VIPR2: variants seen among roughly 807,000 people sequenced by gnomAD.
The protein encoded by VIPR2 is vasoactive intestinal polypeptide receptor 2.
In VIPR2, 48 loss-of-function variants were observed where a neutral mutation model predicts 58.0. The observed-to-expected ratio is 0.83, with a 90% CI of 0.66 to 1.05. The LOEUF is 1.05. VIPR2 is among the 50% of genes least tolerant of loss of function. The pLI, the probability that VIPR2 is intolerant of heterozygous loss-of-function variation, is 0.00. For missense variants in VIPR2, 534 were observed against 558.0 expected (o/e 0.96, Z 0.43); for synonymous variants, 243 against 235.2 (o/e 1.03, Z -0.30).
At chr7:159,109,578 C>T (rs534056175) in intron 3 of VIPR2, among the ~76,000 whole-genome samples, 1 of 152,318 alleles carries the variant, frequency 6.6e-6, no homozygotes, top group Admixed American at 6.5e-5. Context: ...CTCCTGTCTC[C>T]CCTGGTTCTT....
At chr7:159,141,369 G>A (rs141056210) in intron 2 of VIPR2, among the ~76,000 whole-genome samples, 2,094 of 152,366 alleles carry the variant, frequency 0.014, 31 homozygotes, top group Admixed American at 0.036. Flanking sequence ...GAGCCTGCAC[G>A]TTTCAGACCA....
intron 5 of VIPR2, among the ~76,000 whole-genome samples, chr7:159,055,623 C>T (rs1318921254): frequency 6.6e-6 from 1 of 152,104 alleles, no homozygotes; most frequent in Non-Finnish European, 1.5e-5. Context: ...TGCCGTTTTG[C>T]TTCCCACTGA....
At chr7:159,124,090 G>A (rs1340920584) in intron 2 of VIPR2, among the ~76,000 whole-genome samples, 2 of 152,178 alleles carry the variant, frequency 1.3e-5, no homozygotes, top group East Asian at 1.9e-4. Flanking sequence ...CTCCCATTAT[G>A]TAGGTTGTCT....
At chr7:159,083,370 C>A (rs1357535232) in intron 4 of VIPR2, among the ~76,000 whole-genome samples, 1 of 152,260 alleles carries the variant, frequency 6.6e-6, no homozygotes, top group Non-Finnish European at 1.5e-5. Context: ...GGGCGCCCAG[C>A]CCACTTTCTT....
chr7:159,076,141 C>T (rs952048637), intron 4 of VIPR2, among the ~76,000 whole-genome samples: 2 of 152,114 alleles, frequency 1.3e-5, no homozygotes, highest in Non-Finnish European at 1.5e-5. Context: ...CAAAATCCTC[C>T]GTGGGCCAGG....
intron 5 of VIPR2, among the ~76,000 whole-genome samples, chr7:159,052,943 G>A (rs1380114092): frequency 6.6e-6 from 1 of 152,150 alleles, no homozygotes; most frequent in Non-Finnish European, 1.5e-5. Flanking sequence ...AGTATGGAAA[G>A]CTTTCACTCT....
chr7:159,117,964 C>T (rs3793235), intron 2 of VIPR2, among the ~76,000 whole-genome samples: 22,043 of 152,226 alleles, frequency 0.14, 2,205 homozygotes, highest in African/African-American at 0.28. Context: ...GCATCCTCCA[C>T]TCAAGAAAGC....
At chr7:159,030,922 G>C in intron 12 of VIPR2, 133 bp from the exon 13 acceptor site, 1 of 1,220,026 alleles carries the variant, frequency 8.2e-7, no homozygotes, top group Non-Finnish European at 1.1e-6. Context: ...CAGATGGACA[G>C]AAACAGAAAC....
chr7:159,032,039 T>G lies in VIPR2; in HGVS notation c.1000A>C (p.Ile334Leu). ...KRLAKSTLLL[I>L]PLFGVHYMVF... is the part of the protein sequence containing the mutation. ...ATGTAGTGGACGCCGAACAGCGGGA[T>G]AAGCAGGAGCGTGGACTTGGCCAGC... Residue 334 changes from isoleucine to leucine, a missense_variant, in exon 11 of 13, where the codon ATC becomes CTC. Coordinates refer to ENST00000262178, the MANE Select transcript of VIPR2 (RefSeq NM_003382.5). 6.2e-7 allele frequency: 1 copy of G among 1,614,028 alleles called. No homozygotes were observed. Among genetic ancestry groups the G allele is most frequent in the South Asian group, 1.1e-5 (1 of 91,078 alleles).
rs923484080 is a variant in VIPR2 at position 159,031,242 on chromosome 7, T to G, written c.1144-453A>C. Among the ~76,000 whole-genome samples, 4 of 151,690 alleles carry G rather than the reference T, an allele frequency of 2.6e-5. No homozygotes were observed. Among genetic ancestry groups the G allele is most frequent in the African/African-American group, 9.7e-5 (4 of 41,296 alleles). ...GAGGGAGGAGGACAAGTGGCACTAC[T>G]CGGGCTCAGCTTTGCAGAAGCCGTG... On this transcript the variant is annotated intron_variant, in intron 12 of 12. Coordinates refer to ENST00000262178, the MANE Select transcript of VIPR2 (RefSeq NM_003382.5). This position sits in a 1 kb window ranked among gnomAD's most constrained non-coding sequence, Gnocchi z 4.0.
At chr7:159,088,015 A>T (rs1476801530) in intron 4 of VIPR2, among the ~76,000 whole-genome samples, 7 of 152,238 alleles carry the variant, frequency 4.6e-5, no homozygotes, top group Non-Finnish European at 8.8e-5. Context: ...GGCTGCAGGA[A>T]GTCCTGTGGC....
intron 4 of VIPR2, among the ~76,000 whole-genome samples, chr7:159,086,730 G>A (rs77110234): frequency 0.014 from 2,123 of 152,346 alleles, 31 homozygotes; most frequent in Admixed American, 0.034. Flanking sequence ...GCCTCCGAGC[G>A]CCTGCCCAGG....
At chr7:159,042,991 T>C in intron 6 of VIPR2, 44 bp downstream of exon 6, 1 of 1,597,954 alleles carries the variant, frequency 6.3e-7, no homozygotes. Context: ...GGAACAGAGA[T>C]AAAGGGACAA....
At chr7:159,037,048 C>T (rs1048112721) in intron 6 of VIPR2, 146 bp from the exon 7 acceptor site, 2 of 1,033,654 alleles carry the variant, frequency 1.9e-6, no homozygotes, top group East Asian at 5.3e-5. Flanking sequence ...AAGTGATTAA[C>T]ACAGAGGCCA....
At position 159,098,061 on chromosome 7, in the gene VIPR2, G is replaced by A. The variant is rs902270701; in HGVS notation, c.357+5696C>T. ...CTCTTGGAAGCCTGAGCCCTGCCGG[G>A]GCAAGCGGAATCCCCAGCCTCACAC... On this transcript the variant is annotated intron_variant, in intron 4 of 12. Coordinates refer to ENST00000262178, the MANE Select transcript of VIPR2 (RefSeq NM_003382.5). This position sits in a 1 kb window ranked among gnomAD's most constrained non-coding sequence, Gnocchi z 5.2. Among the ~76,000 whole-genome samples the A allele has an allele frequency of 3.3e-5, 5 of 152,198 alleles. No homozygotes were observed. Among genetic ancestry groups the A allele is most frequent in the East Asian group, 1.9e-4 (1 of 5,188 alleles).
intron 4 of VIPR2, among the ~76,000 whole-genome samples, chr7:159,070,539 G>A (rs1389798138): frequency 1.3e-5 from 2 of 152,080 alleles, no homozygotes; most frequent in African/African-American, 2.4e-5. Context: ...GACATTCATG[G>A]ACGCTTAATA....
intron 3 of VIPR2, among the ~76,000 whole-genome samples, chr7:159,104,527 A>ACCCTCCCTCCTCCCAGCAATG (rs1191813520): frequency 1.0e-5 from 1 of 95,556 alleles, no homozygotes; most frequent in African/African-American, 5.3e-5. Flanking sequence ...TCCTGGCAGC[A>ACCCTCCCTCCTCCCAGCAATG]CCCTCCCTCC....
chr7:159,056,819 G>C (rs892531220), intron 5 of VIPR2, among the ~76,000 whole-genome samples: 1 of 152,202 alleles, frequency 6.6e-6, no homozygotes, highest in Admixed American at 6.5e-5. Flanking sequence ...ACAGCTCTCA[G>C]GAAGTGGCAC....
Position 159,116,371 on chromosome 7 carries a change from G to A in VIPR2, c.152-6452C>T, listed in dbSNP as rs535832718. 4.6e-5 allele frequency among the ~76,000 whole-genome samples: 7 copies of A among 152,248 alleles called. No homozygotes were observed. In the East Asian group the frequency reaches 1.2e-3, roughly 25 times the overall value. On this transcript the variant is annotated intron_variant, in intron 2 of 12. Coordinates refer to ENST00000262178, the MANE Select transcript of VIPR2 (RefSeq NM_003382.5). ...AGCAGAGTCACATGGGCCCTCCAGA[G>A]GGCACTGCAGTGGGTTGGCACCGGC...
Sources: gnomAD v4.1 joint callset for allele counts (sites outside exome capture counted in the v4.1 genomes callset) on GRCh38, gnomAD v4.1.1 for gene constraint, Gnocchi (gnomAD v3.1) non-coding constraint, MANE v1.5 for transcripts, NCBI Gene and HGNC (gene_info 2026-07-23, HGNC 2026-07-21) for gene names.